Variants in TECPR2 observed in about 807,000 individuals in gnomAD.
TECPR2 encodes the protein tectonin beta-propeller repeat-containing protein 2.
In TECPR2, 65 loss-of-function variants were observed where a neutral mutation model predicts 138.1. That is an observed-to-expected ratio of 0.47 (90% CI 0.39 to 0.58). The LOEUF (loss-of-function observed/expected upper bound fraction) is 0.58, where lower values mean the gene tolerates loss of function less well. Among genes scored for constraint, TECPR2 ranks in the 20% least tolerant of loss-of-function variants. The pLI is 0.00. For missense variants in TECPR2, 1,553 were observed against 1,824.5 expected (o/e 0.85, Z 2.71); for synonymous variants, 746 against 749.8 (o/e 0.99, Z 0.08).
intron 2 of TECPR2, among the ~76,000 whole-genome samples, chr14:102,378,562 C>T (rs1213264654): frequency 6.6e-6 from 1 of 152,048 alleles, no homozygotes; most frequent in Admixed American, 6.6e-5. Context: ...CTGAGGTTGG[C>T]TGGTAGTAAA....
chr14:102,409,330 G>A (rs1388974327), intron 4 of TECPR2, among the ~76,000 whole-genome samples: 1 of 149,982 alleles, frequency 6.7e-6, no homozygotes, highest in Non-Finnish European at 1.5e-5. Flanking sequence ...AGACAGTCTC[G>A]CTCTTGTCGC....
chr14:102,404,519 G>C (rs768142479), intron 2 of TECPR2, among the ~76,000 whole-genome samples: 1 of 151,822 alleles, frequency 6.6e-6, no homozygotes, highest in Admixed American at 6.6e-5. Context: ...CATAAAAATA[G>C]ACATAGAGAC....
intron 7 of TECPR2, among the ~76,000 whole-genome samples, 186 bp downstream of exon 7, chr14:102,428,568 C>G (rs1216652882): frequency 6.6e-6 from 1 of 151,826 alleles, no homozygotes; most frequent in Non-Finnish European, 1.5e-5. Flanking sequence ...TAAGACCAGC[C>G]TGGGCAACAT....
intron 17 of TECPR2, among the ~76,000 whole-genome samples, chr14:102,480,211 G>GTTTTTT (rs781152101): frequency 1.4e-5 from 1 of 71,372 alleles, no homozygotes; most frequent in African/African-American, 7.6e-5. Context: ...ATCTTGGTTG[G>GTTTTTT]TTTTTTTTTT....
At chr14:102,391,318 C>G (rs1888166697) in intron 2 of TECPR2, among the ~76,000 whole-genome samples, 1 of 152,168 alleles carries the variant, frequency 6.6e-6, no homozygotes, top group African/African-American at 2.4e-5. Flanking sequence ...CCTCGGCCTC[C>G]CAAAGTGCTG....
intron 11 of TECPR2, among the ~76,000 whole-genome samples, chr14:102,441,120 A>G (rs1467289302): frequency 6.6e-6 from 1 of 152,108 alleles, no homozygotes; most frequent in Non-Finnish European, 1.5e-5. Flanking sequence ...GCTGGCATGC[A>G]GTGGTGCCAT....
chr14:102,489,776 T>G (rs1322666722), intron 17 of TECPR2, among the ~76,000 whole-genome samples: 3 of 150,592 alleles, frequency 2.0e-5, no homozygotes, highest in Non-Finnish European at 4.4e-5. Flanking sequence ...AGCCCCTGAG[T>G]GTGTCTGGGT....
At chr14:102,402,152 C>T (rs921436918) in intron 2 of TECPR2, among the ~76,000 whole-genome samples, 1 of 152,042 alleles carries the variant, frequency 6.6e-6, no homozygotes, top group Non-Finnish European at 1.5e-5. Context: ...ATATGTTAAG[C>T]CACAAATTAG....
rs1891374755 is a variant in TECPR2, at chr14:102,499,045, A to ACACCACACCT, written c.*792_*801dup. On this transcript the variant is annotated 3_prime_UTR_variant, in exon 20 of 20. Transcript: ENST00000359520. ...TCGCCACATCTCACCACACCACACC[A>ACACCACACCT]CACCACACCTCACTGCCCACACACG... The ACACCACACCT allele has an allele frequency of 1.4e-6, 1 of 701,546 alleles. No homozygotes were observed. The highest frequency in any genetic ancestry group is 2.6e-6 in the Non-Finnish European group (1 of 384,476). 43.5% of individuals were successfully genotyped at this position (701,546 alleles called of 1,614,324 possible).
At chr14:102,470,488 A>G (rs1429393536) in intron 17 of TECPR2, among the ~76,000 whole-genome samples, 1 of 151,150 alleles carries the variant, frequency 6.6e-6, no homozygotes, top group Non-Finnish European at 1.5e-5. Context: ...TTCTATTTTT[A>G]GTAGAGACGA....
intron 13 of TECPR2, among the ~76,000 whole-genome samples, chr14:102,448,289 T>C (rs1296102912): frequency 6.6e-6 from 1 of 152,154 alleles, no homozygotes; most frequent in East Asian, 1.9e-4. Context: ...CAGTGATGTT[T>C]TATGTAATCA....
chr14:102,421,612 T>G (rs1337402800), intron 5 of TECPR2, among the ~76,000 whole-genome samples: 4 of 151,988 alleles, frequency 2.6e-5, no homozygotes, highest in Non-Finnish European at 5.9e-5. Flanking sequence ...TTGGCCGAGG[T>G]CTGGTGGGGA....
At position 102,438,180 on chromosome 14, in the gene TECPR2, C is replaced by A. The variant is rs1197949352; in HGVS notation, c.2553C>A (p.Val851=). 32 of 1,610,210 alleles carry A rather than the reference C, an allele frequency of 2.0e-5. No homozygotes were observed. Among genetic ancestry groups the A allele is most frequent in the Middle Eastern group, 1.7e-4 (1 of 5,964 alleles). Residue 851 remains valine, a synonymous_variant, in exon 10 of 20, where the codon GTC becomes GTA. Coordinates refer to ENST00000359520, the MANE Select transcript of TECPR2 (RefSeq NM_014844.5). ...GCTGGCAGAAGTTTGAAGATGCTGTCCAGCAGGTGGCAGTCTCGCCCTCAG... is the reference window on the plus strand; with the variant it reads ...GCTGGCAGAAGTTTGAAGATGCTGTACAGCAGGTGGCAGTCTCGCCCTCAG... ...GLRWQKFEDA[V]QQVAVSPSGA...
intron 15 of TECPR2, 90 bp from the exon 16 acceptor site, chr14:102,452,304 C>T (rs1414812092): frequency 2.6e-5 from 35 of 1,341,704 alleles, no homozygotes; most frequent in Non-Finnish European, 3.4e-5. Flanking sequence ...TGGCTAGCGT[C>T]TGCTGAAAGG....
At chr14:102,389,330 AAT>A (rs957384212) in intron 2 of TECPR2, among the ~76,000 whole-genome samples, 2 of 152,128 alleles carry the variant, frequency 1.3e-5, no homozygotes, top group Non-Finnish European at 2.9e-5. Context: ...TGTCTTAATA[AAT>A]ACATAAATAA....
Position 102,419,396 on chromosome 14 carries a change from G to T in TECPR2, c.638+4603G>T, listed in dbSNP as rs920679864. On this transcript the variant is annotated intron_variant, in intron 5 of 19. Transcript: ENST00000359520. This position sits in a 1 kb window ranked among gnomAD's most constrained non-coding sequence, Gnocchi z 4.8. ...AAGACAAATAGGTGGTGCCCAGGGGGGAACCATGTGGCCTGGTGGGAGTTT... is the reference window on the plus strand; with the variant it reads ...AAGACAAATAGGTGGTGCCCAGGGGTGAACCATGTGGCCTGGTGGGAGTTT... 2.0e-5 allele frequency among the ~76,000 whole-genome samples: 3 copies of T among 152,158 alleles called. No individual in the cohort carries two copies. Among genetic ancestry groups the T allele is most frequent in the Non-Finnish European group, 4.4e-5 (3 of 68,026 alleles).
At chr14:102,425,417 C>A in intron 6 of TECPR2, 126 bp downstream of exon 6, 1 of 996,138 alleles carries the variant, frequency 1.0e-6, no homozygotes. Flanking sequence ...TTACTTTTTC[C>A]TTTGGGCCAG....
intron 17 of TECPR2, among the ~76,000 whole-genome samples, chr14:102,488,635 CA>C (rs1159346269): frequency 1.3e-5 from 2 of 151,214 alleles, no homozygotes; most frequent in South Asian, 4.2e-4. Context: ...TGAGCCACTG[CA>C]CCCGGCCTAA....
intron 2 of TECPR2, among the ~76,000 whole-genome samples, chr14:102,383,794 T>C (rs1222992179): frequency 1.3e-5 from 2 of 152,206 alleles, no homozygotes; most frequent in African/African-American, 2.4e-5. Flanking sequence ...TGAAGTTTAT[T>C]GCTCCCCAGA....
Sources: gnomAD v4.1 joint callset for allele counts (sites outside exome capture counted in the v4.1 genomes callset) on GRCh38, gnomAD v4.1.1 for gene constraint, Gnocchi (gnomAD v3.1) non-coding constraint, MANE v1.5 for transcripts, NCBI Gene and HGNC (gene_info 2026-07-23, HGNC 2026-07-21) for gene names.